Variants in NKAIN3 observed in about 807,000 individuals in gnomAD.
The protein encoded by NKAIN3 is sodium/potassium-transporting ATPase subunit beta-1-interacting protein 3.
A neutral mutation model predicts 30.2 loss-of-function variants in NKAIN3; 25 were observed. The observed-to-expected ratio is 0.83, with a 90% CI of 0.60 to 1.16. The LOEUF is 1.16. NKAIN3 is among the 50% of genes most tolerant of loss of function. NKAIN3 has a pLI of 0.00. For missense variants in NKAIN3, 225 were observed against 254.1 expected (o/e 0.89, Z 0.78); for synonymous variants, 91 against 89.6 (o/e 1.02, Z -0.09).
Position 62,579,489 on chromosome 8 carries a change from T to A in NKAIN3, c.55-50T>A, listed in dbSNP as rs751792520. On this transcript the variant is annotated intron_variant, in intron 1 of 6. Coordinates refer to ENST00000623646, the MANE Select transcript of NKAIN3 (RefSeq NM_001304533.3). ...AGCCATGAGATAAAGATTAAAATAG[T>A]ATGATGATGCTTGGATTCAATGCTA... 6 of 1,466,586 alleles carry A rather than the reference T, an allele frequency of 4.1e-6. No individual in the cohort carries two copies. In the South Asian group the frequency reaches 8.4e-5, roughly 20 times the overall value. 90.8% of individuals were successfully genotyped at this position (1,466,586 alleles called of 1,614,324 possible).
chr8:62,818,004 A>G (rs1818738410), intron 4 of NKAIN3, among the ~76,000 whole-genome samples: 2 of 152,174 alleles, frequency 1.3e-5, no homozygotes, highest in South Asian at 4.1e-4. Context: ...GAAGTATATT[A>G]GAATGTGAAC....
At chr8:62,860,779 T>A (rs1820216001) in intron 4 of NKAIN3, among the ~76,000 whole-genome samples, 1 of 152,240 alleles carries the variant, frequency 6.6e-6, no homozygotes, top group African/African-American at 2.4e-5. Context: ...CAGTTGTTCC[T>A]GACAACTTGT....
intron 4 of NKAIN3, among the ~76,000 whole-genome samples, chr8:62,753,206 A>T (rs1041429299): frequency 7.4e-5 from 5 of 67,124 alleles, no homozygotes; most frequent in African/African-American, 2.3e-4. Flanking sequence ...TTTAAAGAGG[A>T]TGCACACACA....
rs186821431 is a variant in NKAIN3 at position 62,592,437 on chromosome 8, G to C, written c.273+2643G>C. On this transcript the variant is annotated intron_variant, in intron 3 of 6. Coordinates refer to ENST00000623646, the MANE Select transcript of NKAIN3 (RefSeq NM_001304533.3). ...ATCCTCATTAACATTTAAGACTATA[G>C]AAAGAAACTGAGGACAAAAAGCTTG... 2.6e-4 allele frequency among the ~76,000 whole-genome samples: 39 copies of C among 152,082 alleles called. 1 individual carries two copies. Among genetic ancestry groups the C allele is most frequent in the Admixed American group, 6.6e-4 (10 of 15,230 alleles).
intron 4 of NKAIN3, among the ~76,000 whole-genome samples, chr8:62,787,283 C>A (rs1340647231): frequency 2.6e-5 from 4 of 152,036 alleles, no homozygotes; most frequent in African/African-American, 7.2e-5. Context: ...CAGGTATTTT[C>A]ATATTCTGTT....
At chr8:62,830,856 C>T (rs1819175914) in intron 4 of NKAIN3, among the ~76,000 whole-genome samples, 2 of 152,190 alleles carry the variant, frequency 1.3e-5, no homozygotes, top group Non-Finnish European at 2.9e-5. Context: ...TCTCACTGGA[C>T]ATCCCTTCAG....
At chr8:62,249,152 C>A in intron 1 of NKAIN3, 25 bp downstream of exon 1, 1 of 1,521,222 alleles carries the variant, frequency 6.6e-7, no homozygotes, top group East Asian at 2.6e-5. Context: ...GGCCCCTGCC[C>A]CAGGACAGGT....
intron 1 of NKAIN3, among the ~76,000 whole-genome samples, chr8:62,357,892 AGAT>A (rs1816410652): frequency 6.6e-6 from 1 of 152,218 alleles, no homozygotes; most frequent in Admixed American, 6.5e-5. Context: ...AATTGTTTTT[AGAT>A]GATAACATAT....
In NKAIN3 at chr8:62,918,013, T is replaced by G. The variant is rs1822159565; in HGVS notation, c.472-440T>G. Among the ~76,000 whole-genome samples the G allele has an allele frequency of 6.6e-5, 10 of 152,216 alleles. No individual in the cohort carries two copies. The South Asian group carries it at 2.1e-3, about 31-fold the overall frequency. ...ACATTCCCAGAGCATTTTAAATAATTAAGTAGATGATTGGTATTTAATTTA... is the reference window on the plus strand; with the variant it reads ...ACATTCCCAGAGCATTTTAAATAATGAAGTAGATGATTGGTATTTAATTTA... On this transcript the variant is annotated intron_variant, in intron 4 of 6. Coordinates refer to ENST00000623646, the MANE Select transcript of NKAIN3 (RefSeq NM_001304533.3).
intron 1 of NKAIN3, among the ~76,000 whole-genome samples, chr8:62,397,518 C>T (rs1305947465): frequency 3.3e-5 from 5 of 152,146 alleles, no homozygotes; most frequent in Non-Finnish European, 4.4e-5. Context: ...ATAGAGGTTG[C>T]CTCTAATTGC....
intron 3 of NKAIN3, among the ~76,000 whole-genome samples, chr8:62,671,962 G>A (rs574602390): frequency 1.5e-4 from 23 of 152,242 alleles, no homozygotes; most frequent in East Asian, 1.2e-3. Context: ...CATGCCCACC[G>A]GAAACCAATC....
chr8:62,831,474 CAAA>C (rs2130745680), intron 4 of NKAIN3, among the ~76,000 whole-genome samples: 1 of 152,056 alleles, frequency 6.6e-6, no homozygotes, highest in South Asian at 2.1e-4. Flanking sequence ...GAAATCAAAA[CAAA>C]GAAACTTCTA....
intron 4 of NKAIN3, among the ~76,000 whole-genome samples, chr8:62,808,973 G>A (rs1964548): frequency 0.89 from 134,802 of 152,118 alleles, 59,870 homozygotes; most frequent in African/African-American, 0.91. Flanking sequence ...TGTATAAGAC[G>A]GACAGTCCCA....
At chr8:62,753,361 GAACATCTGA>G (rs1211971641) in intron 4 of NKAIN3, among the ~76,000 whole-genome samples, 1 of 151,780 alleles carries the variant, frequency 6.6e-6, no homozygotes, top group Non-Finnish European at 1.5e-5. Context: ...TTTAGCACCC[GAACATCTGA>G]AACATGAAAG....
downstream of NKAIN3, among the ~76,000 whole-genome samples, chr8:62,986,870 A>T (rs924207980): frequency 2.6e-5 from 4 of 152,214 alleles, no homozygotes; most frequent in African/African-American, 9.7e-5. Context: ...TCATCTTGGT[A>T]TATAAACTCA....
rs1185966696 is a variant in NKAIN3, at chr8:62,979,678, C to G, written c.*14271C>G. 1 of 152,222 alleles carries G rather than the reference C, an allele frequency of 6.6e-6. No individual in the cohort carries two copies. Among genetic ancestry groups the G allele is most frequent in the Non-Finnish European group, 1.5e-5 (1 of 68,050 alleles). 9.4% of individuals were successfully genotyped at this position (152,222 alleles called of 1,614,324 possible). A position where few individuals can be genotyped will look rare whatever the true frequency, so the allele number is the denominator to read the frequency against. ...ATGAGGAGATTGAGGCTGGTAGTTA[C>G]AGTGGTTTTGCTTCATGTCCCATCC... is the stretch of plus-strand genomic sequence containing the variant. On this transcript the variant is annotated 3_prime_UTR_variant, in exon 7 of 7. Transcript: ENST00000623646.
At chr8:62,764,751 G>A (rs111580031) in intron 4 of NKAIN3, among the ~76,000 whole-genome samples, 9 of 152,150 alleles carry the variant, frequency 5.9e-5, no homozygotes, top group East Asian at 1.9e-4. Context: ...TGCAAATTTC[G>A]TCTGCTTGAC....
chr8:62,278,215 C>T (rs1379395602), intron 1 of NKAIN3, among the ~76,000 whole-genome samples: 1 of 152,010 alleles, frequency 6.6e-6, no homozygotes, highest in Non-Finnish European at 1.5e-5. Context: ...CTGAAGAGGC[C>T]TCCCTGAGAA....
chr8:62,953,153 A>C (rs1016709618), intron 5 of NKAIN3, among the ~76,000 whole-genome samples: 1 of 151,802 alleles, frequency 6.6e-6, no homozygotes. Context: ...ACACACACAC[A>C]CTCCTGAGAG....
Sources: gnomAD v4.1 joint callset for allele counts (sites outside exome capture counted in the v4.1 genomes callset) on GRCh38, gnomAD v4.1.1 for gene constraint, MANE v1.5 for transcripts, NCBI Gene and HGNC (gene_info 2026-07-23, HGNC 2026-07-21) for gene names.